The following SUGCT variants were observed in gnomAD, a reference collection of about 807,000 sequenced individuals.
The protein encoded by SUGCT is succinyl-CoA:glutarate-CoA transferase.
Under a neutral mutation model 55.0 loss-of-function variants are expected in SUGCT, and 41 were observed. The ratio of observed to expected loss-of-function variants is 0.74; its 90% CI spans 0.58 to 0.97. SUGCT has a LOEUF of 0.97. Among genes scored for constraint, SUGCT ranks in the 50% least tolerant of loss-of-function variants. SUGCT has a pLI of 0.00. For synonymous variants in SUGCT, 187 were observed against 200.4 expected, an observed-to-expected ratio of 0.93 and a Z score of 0.56; for missense variants, 568 against 547.8, an observed-to-expected ratio of 1.04 and a Z score of -0.37.
At chr7:40,786,293 A>G (rs1790010347) in intron 13 of SUGCT, among the ~76,000 whole-genome samples, 1 of 152,236 alleles carries the variant, frequency 6.6e-6, no homozygotes, top group Non-Finnish European at 1.5e-5. Context: ...AGAAGAATAA[A>G]GATGGCCACT....
In SUGCT at chr7:40,424,570, A is replaced by G. The variant is rs191395504; in HGVS notation, c.817-24717A>G. Among the ~76,000 whole-genome samples, 306 of 152,254 alleles carry G rather than the reference A, an allele frequency of 2.0e-3. 12 individuals are homozygous for G. The South Asian group carries it at 0.059, about 29-fold the overall frequency. On this transcript the variant is annotated intron_variant, in intron 9 of 13. Transcript: ENST00000335693. ...ACTCTGGACAAGTCACTTTACTTCT[A>G]TATGTTTCAGTTTCCATACCTATAA...
chr7:40,237,882 C>T (rs751075445), intron 7 of SUGCT, among the ~76,000 whole-genome samples, 156 bp downstream of exon 7: 5 of 152,062 alleles, frequency 3.3e-5, no homozygotes, highest in Non-Finnish European at 5.9e-5. Flanking sequence ...AGAAAGAAAC[C>T]AGGGAAAGTG....
At chr7:40,468,012 T>G (rs1790215210) in intron 11 of SUGCT, among the ~76,000 whole-genome samples, 1 of 151,882 alleles carries the variant, frequency 6.6e-6, no homozygotes, top group Non-Finnish European at 1.5e-5. Flanking sequence ...ATAGCCCCTA[T>G]TCTATTCCCT....
intron 7 of SUGCT, among the ~76,000 whole-genome samples, chr7:40,272,193 T>TATATATACAC (rs1554299554): frequency 9.2e-5 from 7 of 76,270 alleles, no homozygotes; most frequent in Admixed American, 1.6e-4. Flanking sequence ...TATATATATA[T>TATATATACAC]ACAGGGTCTC....
downstream of SUGCT, among the ~76,000 whole-genome samples, chr7:40,861,810 T>A (rs1794491209): frequency 6.6e-6 from 1 of 152,210 alleles, no homozygotes; most frequent in Non-Finnish European, 1.5e-5. Context: ...CTGCTTTGCT[T>A]TTTGTGGACA....
At chr7:40,842,164 CATTATT>C (rs548526973) in intron 13 of SUGCT, among the ~76,000 whole-genome samples, 1 of 151,554 alleles carries the variant, frequency 6.6e-6, no homozygotes. Flanking sequence ...AGACACATAT[CATTATT>C]ATTATTATTA....
At chr7:40,869,911 A>C in the SUGCT span, among the ~76,000 whole-genome samples, 1 of 152,218 alleles carries the variant, frequency 6.6e-6, no homozygotes, top group African/African-American at 2.4e-5. Context: ...GGATCTTTGC[A>C]GTATATCGTA....
intron 12 of SUGCT, among the ~76,000 whole-genome samples, chr7:40,552,287 A>G (rs73122161): frequency 0.048 from 7,368 of 152,284 alleles, 224 homozygotes; most frequent in Middle Eastern, 0.085. Context: ...CTGTGGCATG[A>G]GAGGCCCCTC....
chr7:40,466,694 A>C (rs1219285034), intron 11 of SUGCT, among the ~76,000 whole-genome samples: 13 of 152,204 alleles, frequency 8.5e-5, no homozygotes, highest in Admixed American at 7.9e-4. Context: ...ACCAAAGGGA[A>C]AAAGCAAGGA....
intron 12 of SUGCT, among the ~76,000 whole-genome samples, chr7:40,612,381 A>G (rs943462817): frequency 1.3e-5 from 2 of 152,100 alleles, no homozygotes; most frequent in Non-Finnish European, 2.9e-5. Context: ...GCAGGCCCTT[A>G]CCCACTTAGA....
At chr7:40,724,919 G>A (rs1786536408) in intron 12 of SUGCT, among the ~76,000 whole-genome samples, 1 of 152,152 alleles carries the variant, frequency 6.6e-6, no homozygotes, top group Non-Finnish European at 1.5e-5. Context: ...CTATTCTGCT[G>A]CTGTAGAAGG....
chr7:40,835,330 A>G (rs1247410649), intron 13 of SUGCT, among the ~76,000 whole-genome samples: 2 of 152,224 alleles, frequency 1.3e-5, no homozygotes, highest in Non-Finnish European at 2.9e-5. Flanking sequence ...CTAATTTCCA[A>G]AGAACTAGAT....
rs73318541 is a variant in SUGCT at position 40,270,790 on chromosome 7, G to T, written c.577-3723G>T. Among the ~76,000 whole-genome samples the T allele has an allele frequency of 6.2e-3, 944 of 152,234 alleles. 7 individuals are homozygous for T. Among genetic ancestry groups the T allele is most frequent in the African/African-American group, 0.021 (891 of 41,534 alleles). On this transcript the variant is annotated intron_variant, in intron 7 of 13. Transcript: ENST00000335693. ...TTGAATATGCAGAGGAGTGTGGGAA[G>T]CATTGCCATATTAACAATATTAAGT...
chr7:40,726,237 C>T (rs1426023067), intron 12 of SUGCT, among the ~76,000 whole-genome samples: 1 of 152,010 alleles, frequency 6.6e-6, no homozygotes, highest in East Asian at 1.9e-4. Flanking sequence ...CAATAACAAA[C>T]AATCACTAAC....
At chr7:40,934,471 TG>T in the SUGCT span, among the ~76,000 whole-genome samples, 14 of 152,220 alleles carry the variant, frequency 9.2e-5, no homozygotes, top group African/African-American at 2.4e-5. Context: ...CTGCTCTCTT[TG>T]GGGCTGTCAG....
chr7:40,984,767 T>A, the SUGCT span, among the ~76,000 whole-genome samples: 2 of 152,210 alleles, frequency 1.3e-5, no homozygotes, highest in Admixed American at 1.3e-4. Context: ...TCAAGTGTGA[T>A]GCTGTTTTTT....
At chr7:40,935,286 A>G in the SUGCT span, among the ~76,000 whole-genome samples, 1 of 152,146 alleles carries the variant, frequency 6.6e-6, no homozygotes, top group South Asian at 2.1e-4. Context: ...CTTTGATAGT[A>G]TACAATTCAT....
chr7:40,570,215 A>T (rs1420486476), intron 12 of SUGCT, among the ~76,000 whole-genome samples: 1 of 152,228 alleles, frequency 6.6e-6, no homozygotes, highest in Non-Finnish European at 1.5e-5. Flanking sequence ...TTTGCTTGTT[A>T]GTGAGAACAT....
At chr7:40,220,409 G>A (rs1787955675) in intron 6 of SUGCT, among the ~76,000 whole-genome samples, 1 of 152,176 alleles carries the variant, frequency 6.6e-6, no homozygotes, top group African/African-American at 2.4e-5. Context: ...GACTATATCA[G>A]GAGGAAAGTT....
Sources: allele counts gnomAD v4.1 joint callset (sites outside exome capture counted in the v4.1 genomes callset), GRCh38; gene constraint gnomAD v4.1.1; transcripts MANE v1.5; gene names NCBI Gene and HGNC (gene_info 2026-07-23, HGNC 2026-07-21).